Variants in DIAPH2 observed in about 807,000 individuals in gnomAD.
DIAPH2 encodes the protein diaphanous related formin 2, also known as protein diaphanous homolog 2.
In DIAPH2, 35 loss-of-function variants were observed where a neutral mutation model predicts 92.7. That is an observed-to-expected ratio of 0.38 (90% CI 0.29 to 0.50). The LOEUF (loss-of-function observed/expected upper bound fraction) is 0.50, where lower values mean the gene tolerates loss of function less well. Ranked by LOEUF, DIAPH2 falls within the 20% of genes least tolerant of loss-of-function variation. The pLI, the probability that DIAPH2 is intolerant of heterozygous loss-of-function variation, is 0.94. For synonymous variants in DIAPH2, 301 were observed against 280.4 expected (o/e 1.07, Z -0.73); for missense variants, 701 against 819.5 (o/e 0.86, Z 1.77).
intron 22 of DIAPH2, 103 bp from the exon 23 acceptor site, chrX:97,247,612 T>A: frequency 1.3e-6 from 1 of 745,986 alleles, no homozygotes. Flanking sequence ...TGGAACTATT[T>A]CCCACATTTA....
At chrX:97,533,921 C>G (rs746918970) in intron 26 of DIAPH2, among the ~76,000 whole-genome samples, 1 of 111,780 alleles carries the variant, frequency 8.9e-6, no homozygotes, top group East Asian at 2.8e-4. Context: ...AAATTGCTCT[C>G]TATGGAATCG....
At chrX:96,718,744 G>A (rs1375749209) in intron 1 of DIAPH2, among the ~76,000 whole-genome samples, 1 of 111,711 alleles carries the variant, frequency 9.0e-6, no homozygotes, top group Non-Finnish European at 1.9e-5. Context: ...ATAAACATGA[G>A]AGAGCAGATA....
At chrX:97,035,419 A>C (rs2066403956) in intron 17 of DIAPH2, among the ~76,000 whole-genome samples, 1 of 112,043 alleles carries the variant, frequency 8.9e-6, no homozygotes, top group South Asian at 3.7e-4. Context: ...CATATCATGA[A>C]ATAGTATGAG....
chrX:97,187,585 A>G (rs775850609), intron 22 of DIAPH2, among the ~76,000 whole-genome samples: 9 of 110,259 alleles, frequency 8.2e-5, no homozygotes, highest in Non-Finnish European at 1.7e-4. Flanking sequence ...CTAAGTACCT[A>G]TATTATCTTC....
intron 1 of DIAPH2, among the ~76,000 whole-genome samples, chrX:96,703,672 C>T (rs2063867713): frequency 9.0e-6 from 1 of 111,407 alleles, no homozygotes; most frequent in African/African-American, 3.3e-5. Context: ...TGGAATATTC[C>T]AAGAGAAGCT....
At chrX:97,556,433 A>G (rs1282322739) in intron 26 of DIAPH2, among the ~76,000 whole-genome samples, 1 of 112,361 alleles carries the variant, frequency 8.9e-6, no homozygotes, top group African/African-American at 3.2e-5. Flanking sequence ...TTATTCTCTC[A>G]CATTTCTGGA....
rs1424616809 is a variant in DIAPH2 at position 97,414,082 on chromosome X, G to A, written c.3146-15568G>A. On this transcript the variant is annotated intron_variant, in intron 25 of 26. Coordinates refer to ENST00000324765, the MANE Select transcript of DIAPH2 (RefSeq NM_006729.5). ...CAGTTCACATGGAACCAAAAAAAGA[G>A]CCCGCATTGTCAAGACAATCCTAAG... 2.7e-5 allele frequency among the ~76,000 whole-genome samples: 3 copies of A among 111,779 alleles called. 1 individual carries two copies. The East Asian group carries it at 8.4e-4, about 31-fold the overall frequency.
chrX:96,814,095 C>G (rs1373394148), intron 4 of DIAPH2, among the ~76,000 whole-genome samples: 1 of 111,711 alleles, frequency 9.0e-6, no homozygotes, highest in Non-Finnish European at 1.9e-5. Flanking sequence ...GGGAAGTTCT[C>G]CTGGATAATA....
chrX:97,175,960 A>G (rs1197221910), intron 22 of DIAPH2, among the ~76,000 whole-genome samples: 1 of 112,266 alleles, frequency 8.9e-6, no homozygotes, highest in Admixed American at 9.5e-5. Context: ...TTATAGAACA[A>G]TTGGTAGAGT....
At chrX:96,726,537 G>A (rs2064021225) in intron 1 of DIAPH2, among the ~76,000 whole-genome samples, 2 of 111,535 alleles carry the variant, frequency 1.8e-5, no homozygotes, top group South Asian at 3.8e-4. Context: ...GAGGTGAGGT[G>A]GGATGGAGCG....
intron 26 of DIAPH2, among the ~76,000 whole-genome samples, chrX:97,520,904 A>G (rs2070986381): frequency 8.9e-6 from 1 of 112,428 alleles, no homozygotes; most frequent in Non-Finnish European, 1.9e-5. Flanking sequence ...TGTTTCATCA[A>G]CGAACCACTT....
At chrX:97,010,080 C>CA (rs2066213847) in intron 17 of DIAPH2, among the ~76,000 whole-genome samples, 2 of 112,085 alleles carry the variant, frequency 1.8e-5, no homozygotes, top group African/African-American at 6.5e-5. Flanking sequence ...AACACTTTAG[C>CA]CTGTGGTGGT....
chrX:96,912,251 T>G, intron 5 of DIAPH2, 77 bp from the exon 6 acceptor site: 1 of 823,904 alleles, frequency 1.2e-6, no homozygotes, highest in Non-Finnish European at 1.7e-6. Context: ...ATTTGAAAAT[T>G]AAAATTTTAT....
intron 24 of DIAPH2, among the ~76,000 whole-genome samples, chrX:97,375,840 A>C (rs746989544): frequency 1.8e-5 from 2 of 111,312 alleles, no homozygotes; most frequent in African/African-American, 6.5e-5. Flanking sequence ...ATATTCCAGC[A>C]CAGCTAACAG....
intron 26 of DIAPH2, among the ~76,000 whole-genome samples, chrX:97,530,110 G>A (rs2071049956): frequency 8.9e-6 from 1 of 112,153 alleles, no homozygotes; most frequent in African/African-American, 3.2e-5. Flanking sequence ...CTTAGAGAGA[G>A]AGGAAAACAT....
intron 22 of DIAPH2, among the ~76,000 whole-genome samples, chrX:97,237,643 G>A (rs1330687976): frequency 9.2e-6 from 1 of 109,206 alleles, no homozygotes; most frequent in Non-Finnish European, 1.9e-5. Flanking sequence ...CTGCAGTGGC[G>A]CCATCTTGGC....
chrX:97,486,956 T>G (rs2147819590), intron 26 of DIAPH2, among the ~76,000 whole-genome samples: 1 of 112,141 alleles, frequency 8.9e-6, no homozygotes, highest in South Asian at 3.7e-4. Flanking sequence ...CAACCACCAT[T>G]CTACTCTGTT....
chrX:97,066,448 A>G (rs2066634732), intron 17 of DIAPH2, among the ~76,000 whole-genome samples: 1 of 112,033 alleles, frequency 8.9e-6, no homozygotes, highest in South Asian at 3.7e-4. Flanking sequence ...TGTGTAAGTG[A>G]ACCGTATAAT....
intron 1 of DIAPH2, among the ~76,000 whole-genome samples, chrX:96,713,317 G>A (rs1169144835): frequency 9.0e-6 from 1 of 111,108 alleles, no homozygotes; most frequent in Non-Finnish European, 1.9e-5. Context: ...GTGTTAGTGT[G>A]TTTTATTTTT....
Sources: allele counts gnomAD v4.1 joint callset (sites outside exome capture counted in the v4.1 genomes callset), GRCh38; gene constraint gnomAD v4.1.1; transcripts MANE v1.5; gene names NCBI Gene and HGNC (gene_info 2026-07-23, HGNC 2026-07-21).